Variants in HECW2 observed in about 807,000 individuals in gnomAD.
HECW2 encodes the protein E3 ubiquitin-protein ligase HECW2.
Under a neutral mutation model 175.2 loss-of-function variants are expected in HECW2, and 61 were observed. The observed-to-expected ratio is 0.35, with a 90% confidence interval of 0.28 to 0.43. HECW2 has a LOEUF of 0.43. Ranked by LOEUF, HECW2 falls within the 20% of genes least tolerant of loss-of-function variation. HECW2 has a pLI of 1.00. For missense variants in HECW2, 1,524 were observed against 2,000.5 expected (o/e 0.76, Z 4.54); for synonymous variants, 671 against 731.0 (o/e 0.92, Z 1.32).
intron 3 of HECW2, among the ~76,000 whole-genome samples, chr2:196,335,763 T>A (rs1228159084): frequency 6.6e-6 from 1 of 152,218 alleles, no homozygotes; most frequent in Non-Finnish European, 1.5e-5. Context: ...TGAGTCACTA[T>A]CCAATAATTC....
intron 1 of HECW2, among the ~76,000 whole-genome samples, chr2:196,484,541 C>T (rs1686941060): frequency 6.6e-6 from 1 of 152,164 alleles, no homozygotes; most frequent in South Asian, 2.1e-4. Flanking sequence ...CCCTATTCTG[C>T]TCCTGCCCTC....
intron 2 of HECW2, among the ~76,000 whole-genome samples, chr2:196,345,285 C>A (rs1324323028): frequency 1.3e-5 from 2 of 152,126 alleles, no homozygotes; most frequent in Admixed American, 1.3e-4. Context: ...CAGGGCAGAC[C>A]CTGCTTGCTG....
intron 2 of HECW2, among the ~76,000 whole-genome samples, chr2:196,358,866 C>G (rs1271011031): frequency 2.0e-5 from 3 of 152,154 alleles, no homozygotes; most frequent in Non-Finnish European, 2.9e-5. Context: ...TGATTGTAAA[C>G]TATGCCACTA....
intron 1 of HECW2, among the ~76,000 whole-genome samples, chr2:196,534,948 AACTT>A (rs1688966996): frequency 6.6e-6 from 1 of 152,142 alleles, no homozygotes; most frequent in African/African-American, 2.4e-5. Flanking sequence ...AGCAAATACT[AACTT>A]AACAAAGTGG....
intron 17 of HECW2, among the ~76,000 whole-genome samples, chr2:196,264,738 T>C (rs1558994474): frequency 6.6e-6 from 1 of 152,196 alleles, no homozygotes; most frequent in Non-Finnish European, 1.5e-5. Flanking sequence ...ATCAAAAATG[T>C]GAAAATTAGA....
At chr2:196,240,825 A>G (rs1324194452) in intron 20 of HECW2, among the ~76,000 whole-genome samples, 1 of 118,586 alleles carries the variant, frequency 8.4e-6, no homozygotes, top group African/African-American at 2.9e-5. Flanking sequence ...AAATGGTCAA[A>G]TCAGTTTATC....
In HECW2 at chr2:196,591,532, C is replaced by T. The variant is rs144060155; in HGVS notation, c.-36+1976G>A. On this transcript the variant is annotated intron_variant, in intron 1 of 28. Coordinates refer to ENST00000644978, the MANE Select transcript of HECW2 (RefSeq NM_001348768.2). ...ATCAAAACAAATAGCTCAATTGGGACTTTTTGAATGTTCAACAAAAAGAAA... is the reference window on the plus strand; with the variant it reads ...ATCAAAACAAATAGCTCAATTGGGATTTTTTGAATGTTCAACAAAAAGAAA... 2.0e-3 allele frequency among the ~76,000 whole-genome samples: 301 copies of T among 152,274 alleles called. 2 individuals are homozygous for T. The highest frequency in any genetic ancestry group is 6.6e-3 in the African/African-American group (276 of 41,554).
intron 1 of HECW2, among the ~76,000 whole-genome samples, chr2:196,499,070 CA>C (rs1687491535): frequency 6.6e-6 from 1 of 152,154 alleles, no homozygotes. Flanking sequence ...ACCCTAGCCT[CA>C]AAATTCTCAG....
intron 2 of HECW2, among the ~76,000 whole-genome samples, chr2:196,363,440 C>T (rs1371969566): frequency 6.6e-6 from 1 of 151,948 alleles, no homozygotes; most frequent in Non-Finnish European, 1.5e-5. Context: ...AGATACTCTG[C>T]CTTCCTCATA....
At position 196,214,039 on chromosome 2, in the gene HECW2, G is replaced by T. The variant is rs190646818; in HGVS notation, c.4607+1826C>A. 2.6e-4 allele frequency among the ~76,000 whole-genome samples: 40 copies of T among 152,286 alleles called. No individual in the cohort carries two copies. In the South Asian group the frequency reaches 6.8e-3, roughly 26 times the overall value. ...CTGCCTGATATGTATTACAGATGAT[G>T]GTGACAGAAATCACAATGGCAGCGA... On this transcript the variant is annotated intron_variant, in intron 28 of 28. Coordinates refer to ENST00000644978, the MANE Select transcript of HECW2 (RefSeq NM_001348768.2).
At chr2:196,423,515 T>C (rs192187973) in intron 2 of HECW2, among the ~76,000 whole-genome samples, 2 of 152,204 alleles carry the variant, frequency 1.3e-5, no homozygotes, top group Admixed American at 1.3e-4. Flanking sequence ...CAGAAAGAAA[T>C]ATACCTAACA....
At position 196,240,490 on chromosome 2, in the gene HECW2, C is replaced by A. The variant is rs1174922985; in HGVS notation, c.3723G>T (p.Leu1241=). ...AGGTGACATATAGCTTATTTCTCTG[C>A]AGGTCTTTTCTGGAGTAGCCCATAA... ...NQIMGYSRKD[L]QRNKLYVTFV... is the part of the protein sequence containing the mutation. Residue 1241 remains leucine (L), a synonymous_variant, in exon 21 of 29, where the codon CTG becomes CTT. Coordinates refer to ENST00000644978, the MANE Select transcript of HECW2 (RefSeq NM_001348768.2). 1 of 1,612,690 alleles carries A rather than the reference C, an allele frequency of 6.2e-7. No individual in the cohort carries two copies. The highest frequency in any genetic ancestry group is 1.7e-5 in the Admixed American group (1 of 59,538).
intron 18 of HECW2, 61 bp downstream of exon 18, chr2:196,257,762 T>C (rs1575308482): frequency 8.8e-7 from 1 of 1,138,234 alleles, no homozygotes; most frequent in East Asian, 2.4e-5. Flanking sequence ...TTTTCTACAA[T>C]GTTCCATGAT....
rs6757981 is a variant in HECW2 at position 196,343,642 on chromosome 2, C to T, written c.400+15G>A. 0.061 allele frequency: 91,093 copies of T among 1,499,432 alleles called. 3,702 individuals are homozygous for T. Among genetic ancestry groups the T allele is most frequent in the African/African-American group, 0.2 (14,414 of 72,588 alleles). The allele number at this position is 1,499,432 out of a possible 1,614,324, so 92.9% of individuals were successfully genotyped here. The stretch of plus-strand genomic sequence containing the variant: ...TGTTCAATAATAAGTTTATATTTCA[C>T]ACTTAGTTACTTACGTTCCATGAAA... On this transcript the variant is annotated intron_variant, in intron 3 of 28. Transcript: ENST00000644978.
intron 1 of HECW2, among the ~76,000 whole-genome samples, chr2:196,528,174 A>T (rs1341767764): frequency 3.3e-5 from 5 of 152,198 alleles, no homozygotes; most frequent in African/African-American, 7.2e-5. Flanking sequence ...CTTAATATGC[A>T]AAATTCTTCC....
intron 20 of HECW2, among the ~76,000 whole-genome samples, chr2:196,241,694 G>A (rs779803529): frequency 7.2e-5 from 11 of 152,208 alleles, no homozygotes; most frequent in Non-Finnish European, 1.5e-4. Flanking sequence ...GAACTGAACA[G>A]AGCTGAGCAC....
chr2:196,278,933 T>C (rs1370099838), intron 14 of HECW2, among the ~76,000 whole-genome samples: 2 of 152,150 alleles, frequency 1.3e-5, no homozygotes, highest in African/African-American at 2.4e-5. Context: ...ACCAAAGACA[T>C]GATCCAAGAA....
rs116911193 is a variant in HECW2 at position 196,320,513 on chromosome 2, C to A, written c.885-74G>T. The A allele has an allele frequency of 8.4e-5, 70 of 831,138 alleles. No homozygotes were observed. In the East Asian group the frequency reaches 1.7e-3, roughly 21 times the overall value. The allele number at this position is 831,138 out of a possible 1,614,324, so 51.5% of individuals were successfully genotyped here. On this transcript the variant is annotated intron_variant, in intron 7 of 28. Transcript: ENST00000644978. ...CTTCGCCGTCTTTCCACAGGCCACC[C>A]ACCAAATCCCTCCTATCTCTCTTAA...
chr2:196,452,228 A>C (rs1696369470), intron 1 of HECW2, among the ~76,000 whole-genome samples: 1 of 152,214 alleles, frequency 6.6e-6, no homozygotes, highest in African/African-American at 2.4e-5. Context: ...GAATTAGCAC[A>C]AAAAAATTAA....
Sources: allele counts gnomAD v4.1 joint callset (sites outside exome capture counted in the v4.1 genomes callset), GRCh38; gene constraint gnomAD v4.1.1; transcripts MANE v1.5; gene names NCBI Gene and HGNC (gene_info 2026-07-23, HGNC 2026-07-21).